The following DHRS7 variants were observed in gnomAD, a reference collection of about 807,000 sequenced individuals.
The protein encoded by DHRS7 is dehydrogenase/reductase SDR family member 7.
A neutral mutation model predicts 38.9 loss-of-function variants in DHRS7; 34 were observed. The ratio of observed to expected loss-of-function variants is 0.87; its 90% confidence interval spans 0.66 to 1.16. The LOEUF (loss-of-function observed/expected upper bound fraction) is 1.16, where lower values mean the gene tolerates loss of function less well. DHRS7 is among the 50% of genes most tolerant of loss of function. The pLI, the probability that DHRS7 is intolerant of heterozygous loss-of-function variation, is 0.00. For missense variants in DHRS7, 421 were observed against 407.0 expected (o/e 1.03, Z -0.30); for synonymous variants, 158 against 153.1 (o/e 1.03, Z -0.24).
chr14:60,150,469 C>T (rs1289170112), intron 4 of DHRS7, among the ~76,000 whole-genome samples: 1 of 152,054 alleles, frequency 6.6e-6, no homozygotes, highest in Non-Finnish European at 1.5e-5. Context: ...GTCCCCACTC[C>T]CCCCACCCCA....
chr14:60,161,694 G>A lies in DHRS7; in HGVS notation c.133+3483C>T, dbSNP rs1896766761. On this transcript the variant is annotated intron_variant, in intron 1 of 6. Transcript: ENST00000557185. This position sits in a 1 kb window ranked among gnomAD's most constrained non-coding sequence, Gnocchi z 4.2. ...CTAGGGCAGGACACAGGATTCGGTA[G>A]GGTCTGGACAGTGCAGAGCAGGATG... Among the ~76,000 whole-genome samples, 2 of 152,172 alleles carry A rather than the reference G, an allele frequency of 1.3e-5. No individual in the cohort carries two copies. Among genetic ancestry groups the A allele is most frequent in the African/African-American group, 4.8e-5 (2 of 41,430 alleles).
chr14:60,155,787 G>A (rs769873403), intron 2 of DHRS7: 3 of 371,594 alleles, frequency 8.1e-6, no homozygotes, highest in Admixed American at 4.7e-5. Context: ...CTAATGCCAA[G>A]AGTCAGTGCA....
chr14:60,152,645 A>G (rs1896569248), intron 4 of DHRS7: 1 of 392,384 alleles, frequency 2.5e-6, no homozygotes, highest in African/African-American at 2.0e-5. Context: ...TAAATAGATG[A>G]TACACTTTTT....
intron 4 of DHRS7, 142 bp downstream of exon 4, chr14:60,152,797 G>T (rs776157043): frequency 6.3e-6 from 5 of 799,430 alleles, no homozygotes; most frequent in Non-Finnish European, 1.0e-5. Context: ...ATCTACTGGG[G>T]GTGTCCTCTA....
rs753484563 is a variant in DHRS7 at position 60,149,395 on chromosome 14, G to A, written c.930C>T (p.Asn310=). 1.9e-6 allele frequency: 3 copies of A among 1,614,090 alleles called. No individual in the cohort carries two copies. Among genetic ancestry groups the A allele is most frequent in the Non-Finnish European group, 2.5e-6 (3 of 1,180,008 alleles). Reference sequence around the variant, plus strand: ...TCTCAATCCTTTTCTTCCCCATCTTGTTGGTTATCCACCAGGCCCAGGTTG... The same window carrying A: ...TCTCAATCCTTTTCTTCCCCATCTTATTGGTTATCCACCAGGCCCAGGTTG... The part of the protein sequence containing the change: ...YMPTWAWWIT[N]KMGKKRIENF... Residue 310 remains asparagine (N), a synonymous_variant, in exon 6 of 7, where the codon AAC becomes AAT. Transcript: ENST00000557185.
At chr14:60,156,702 A>C (rs1052706863) in intron 1 of DHRS7, among the ~76,000 whole-genome samples, 1 of 152,196 alleles carries the variant, frequency 6.6e-6, no homozygotes, top group South Asian at 2.1e-4. Context: ...TTTTTAAAGT[A>C]GTATTTTCCC....
rs56277430 is a variant in DHRS7 at position 60,150,196 on chromosome 14, C to CAAA, written c.634-12_634-10dup. 2.9e-5 allele frequency: 35 copies of CAAA among 1,189,060 alleles called. No homozygotes were observed. Among genetic ancestry groups the CAAA allele is most frequent in the African/African-American group, 7.4e-5 (4 of 53,748 alleles). The allele number at this position is 1,189,060 out of a possible 1,614,324, so 73.7% of individuals were successfully genotyped here. A position where few individuals can be genotyped will look rare whatever the true frequency, so the allele number is the denominator to read the frequency against. On this transcript the variant is annotated splice_polypyrimidine_tract_variant and intron_variant, in intron 4 of 6. Coordinates refer to ENST00000557185, the MANE Select transcript of DHRS7 (RefSeq NM_016029.4). ...AGGCCATTAAAAAAACCCTAACAGA[C>CAAA]AAAAAAAAAAAAAAAGGAAAAAGGC... is the stretch of plus-strand genomic sequence containing the variant.
In DHRS7 at chr14:60,144,810, T is replaced by C. The variant is rs409866; in HGVS notation, c.*156A>G. ...CAAGATTCATGGCAATCTTTTATTA[T>C]TTATTTTTTATTTCATTCCATGTTG... On this transcript the variant is annotated 3_prime_UTR_variant, in exon 7 of 7. Coordinates refer to ENST00000557185, the MANE Select transcript of DHRS7 (RefSeq NM_016029.4). The C allele has an allele frequency of 0.2, 133,915 of 655,360 alleles. 18,462 individuals carry two copies. The highest frequency in any genetic ancestry group is 0.51 in the African/African-American group (26,998 of 53,084). 40.6% of individuals were successfully genotyped at this position (655,360 alleles called of 1,614,324 possible).
In DHRS7 at chr14:60,153,702, C is replaced by A. The variant is rs77875692; in HGVS notation, c.393+257G>T. On this transcript the variant is annotated intron_variant, in intron 3 of 6. Transcript: ENST00000557185. The surrounding 1 kb of genome is among the most constrained non-coding windows in gnomAD (Gnocchi z 4.4). ...CAGAGCAAGACTTTGTCTCAAAATA[C>A]ATAAATAAATAAATAAAAGCAGCCG... is the stretch of plus-strand genomic sequence containing the variant. Among the ~76,000 whole-genome samples, 3 of 151,404 alleles carry A rather than the reference C, an allele frequency of 2.0e-5. No homozygotes were observed. The highest frequency in any genetic ancestry group is 4.9e-5 in the African/African-American group (2 of 40,962).
upstream of DHRS7, chr14:60,165,611 A>G (rs955646352): frequency 4.3e-6 from 5 of 1,164,860 alleles, no homozygotes; most frequent in African/African-American, 1.6e-5. The surrounding 1 kb of genome is among the most constrained non-coding windows in gnomAD (Gnocchi z 4.6). Flanking sequence ...TGTGTCTACC[A>G]AAAATAAATA....
chr14:60,149,569 C>CT lies in DHRS7; in HGVS notation c.757-2dup, dbSNP rs1896492316. 2.5e-6 allele frequency: 4 copies of CT among 1,584,292 alleles called. No individual in the cohort carries two copies. Among genetic ancestry groups the CT allele is most frequent in the African/African-American group, 1.4e-5 (1 of 73,352 alleles). ...ACTGGTCTCCATTATTGCCTATAGT[C>CT]TAAGAAAAGTTAAAAATTAAGTGAA... is the stretch of plus-strand genomic sequence containing the variant. On this transcript the variant is annotated splice_acceptor_variant, in intron 5 of 6. Transcript: ENST00000557185. LOFTEE classifies it high-confidence loss of function.
In DHRS7 at chr14:60,156,149, C is replaced by A; in HGVS notation, c.137G>T (p.Trp46Leu). ...CCACACCACCATATCAGTCAGCTCC[C>A]ATTCTATGGAAGGAATGTAAATGGA... is the stretch of plus-strand genomic sequence containing the variant. ...WAEWQGRRPE[W>L]ELTDMVVWVT... Residue 46 changes from tryptophan to leucine, a missense_variant, in exon 2 of 7, where the codon TGG (tryptophan) becomes TTG (leucine). Physicochemically the swap from Trp to Leu is moderately conservative, Grantham distance 61 (BLOSUM62 -2). Coordinates refer to ENST00000557185, the MANE Select transcript of DHRS7 (RefSeq NM_016029.4). 5 of 1,568,760 alleles carry A rather than the reference C, an allele frequency of 3.2e-6. No homozygotes were observed. Among genetic ancestry groups the A allele is most frequent in the Non-Finnish European group, 4.3e-6 (5 of 1,159,770 alleles).
chr14:60,150,332 T>C, intron 4 of DHRS7, 145 bp from the exon 5 acceptor site: 1 of 708,920 alleles, frequency 1.4e-6, no homozygotes, highest in Non-Finnish European at 2.1e-6. Context: ...TTTTTATTAT[T>C]ATATTTTAAG....
Position 60,151,140 on chromosome 14 carries a change from A to G in DHRS7, c.634-953T>C, listed in dbSNP as rs1896536204. Among the ~76,000 whole-genome samples the G allele has an allele frequency of 3.4e-5, 5 of 148,736 alleles. No individual in the cohort carries two copies. In the South Asian group the frequency reaches 1.1e-3, roughly 33 times the overall value. On this transcript the variant is annotated intron_variant, in intron 4 of 6. Coordinates refer to ENST00000557185, the MANE Select transcript of DHRS7 (RefSeq NM_016029.4). ...CTTTTTCCATTTATATTTCTATTTT[A>G]ACAGTATTAATTCATTTTAGCAAAC...
chr14:60,158,255 AT>A (rs1361014705), intron 1 of DHRS7, among the ~76,000 whole-genome samples: 1 of 150,860 alleles, frequency 6.6e-6, no homozygotes, highest in African/African-American at 2.4e-5. Flanking sequence ...AAAAAAAAAA[AT>A]CTCAACTAAG....
intron 6 of DHRS7, 156 bp downstream of exon 6, chr14:60,149,197 T>A (rs1317420830): frequency 3.0e-6 from 2 of 672,072 alleles, no homozygotes; most frequent in Non-Finnish European, 5.2e-6. Context: ...GGTCTTGAAC[T>A]CCTGGCCTCA....
upstream of DHRS7, chr14:60,169,724 C>T (rs776812014): frequency 6.6e-6 from 1 of 152,234 alleles, no homozygotes; most frequent in Non-Finnish European, 1.5e-5. Flanking sequence ...TGTAAAGTCC[C>T]ATTTCTGGAT....
chr14:60,165,505 T>C, upstream of DHRS7: 2 of 1,303,266 alleles, frequency 1.5e-6, no homozygotes, highest in Non-Finnish European at 1.9e-6. This position sits in a 1 kb window ranked among gnomAD's most constrained non-coding sequence, Gnocchi z 4.6. Context: ...TCGCGGTCCT[T>C]GGGCGGCCCG....
At chr14:60,167,574 T>C (rs1171719829), upstream of DHRS7, among the ~76,000 whole-genome samples, 1 of 152,214 alleles carries the variant, frequency 6.6e-6, no homozygotes, top group Non-Finnish European at 1.5e-5. Flanking sequence ...TGAAGGCAGT[T>C]GTGCGTAAGC....
Sources: gnomAD v4.1 joint callset for allele counts (sites outside exome capture counted in the v4.1 genomes callset) on GRCh38, gnomAD v4.1.1 for gene constraint, Gnocchi (gnomAD v3.1) non-coding constraint, MANE v1.5 for transcripts, NCBI Gene and HGNC (gene_info 2026-07-23, HGNC 2026-07-21) for gene names.